DTNA: variants seen among roughly 807,000 people sequenced by gnomAD.
DTNA encodes dystrobrevin alpha.
In DTNA, 43 loss-of-function variants were observed where a neutral mutation model predicts 100.7. The observed-to-expected ratio is 0.43, with a 90% CI of 0.33 to 0.55. The LOEUF is 0.55. Ranked by LOEUF, DTNA falls within the 20% of genes least tolerant of loss-of-function variation. DTNA has a pLI of 0.04. For missense variants in DTNA, 798 were observed against 953.9 expected (o/e 0.84, Z 2.15); for synonymous variants, 349 against 347.9 (o/e 1.00, Z -0.04).
At chr18:34,842,362 T>C (rs949216) in intron 13 of DTNA, among the ~76,000 whole-genome samples, 37,905 of 152,112 alleles carry the variant, frequency 0.25, 4,837 homozygotes, top group African/African-American at 0.28. Flanking sequence ...TATTTTATGC[T>C]TTGGGAAAAA....
At chr18:34,712,528 T>C (rs1568286710) in intron 1 of DTNA, among the ~76,000 whole-genome samples, 1 of 152,158 alleles carries the variant, frequency 6.6e-6, no homozygotes, top group Non-Finnish European at 1.5e-5. Context: ...CATCTGACAT[T>C]AGACCATATG....
At chr18:34,715,259 G>A (rs1169491565) in intron 1 of DTNA, among the ~76,000 whole-genome samples, 1 of 152,046 alleles carries the variant, frequency 6.6e-6, no homozygotes, top group Admixed American at 6.6e-5. Flanking sequence ...TGTACAATGT[G>A]TGGGTCAGTA....
At chr18:34,680,541 T>C (rs750388898) in intron 1 of DTNA, among the ~76,000 whole-genome samples, 1 of 152,228 alleles carries the variant, frequency 6.6e-6, no homozygotes, top group Non-Finnish European at 1.5e-5. Flanking sequence ...CATTGGCCAC[T>C]GTCTAAATCT....
intron 4 of DTNA, 55 bp downstream of exon 4, chr18:34,794,305 TCTTA>T (rs2094875842): frequency 1.2e-6 from 2 of 1,600,302 alleles, no homozygotes; most frequent in Non-Finnish European, 1.7e-6. Context: ...TCACTTCCTG[TCTTA>T]CTTGGTCTTT....
intron 16 of DTNA, among the ~76,000 whole-genome samples, chr18:34,859,631 G>C (rs2096593970): frequency 6.6e-6 from 1 of 152,132 alleles, no homozygotes; most frequent in Non-Finnish European, 1.5e-5. Flanking sequence ...GAGTAGCCTC[G>C]GATCCTTTTG....
At chr18:34,740,312 A>G (rs1194604741) in intron 1 of DTNA, among the ~76,000 whole-genome samples, 1 of 152,206 alleles carries the variant, frequency 6.6e-6, no homozygotes, top group Non-Finnish European at 1.5e-5. Flanking sequence ...CAGAACCATC[A>G]GGAAATGGCT....
intron 1 of DTNA, among the ~76,000 whole-genome samples, chr18:34,523,378 C>T (rs2042321751): frequency 6.6e-6 from 1 of 152,094 alleles, no homozygotes; most frequent in African/African-American, 2.4e-5. Flanking sequence ...ACATTTACAC[C>T]TTGAAAATCT....
chr18:34,775,659 A>G (rs2094008694), intron 3 of DTNA, among the ~76,000 whole-genome samples: 1 of 152,238 alleles, frequency 6.6e-6, no homozygotes, highest in Non-Finnish European at 1.5e-5. Flanking sequence ...GCTGGCTGAC[A>G]GCCAGCAAGG....
intron 1 of DTNA, among the ~76,000 whole-genome samples, chr18:34,603,940 C>T (rs1225849125): frequency 6.6e-6 from 1 of 152,084 alleles, no homozygotes; most frequent in Non-Finnish European, 1.5e-5. Flanking sequence ...CAAAAAAAAG[C>T]TCTACGCTCT....
chr18:34,768,115 G>A (rs2093583088), intron 3 of DTNA, among the ~76,000 whole-genome samples: 1 of 152,112 alleles, frequency 6.6e-6, no homozygotes, highest in Non-Finnish European at 1.5e-5. Flanking sequence ...GCAATTAAAA[G>A]GGATATGATT....
chr18:34,695,573 G>C (rs2080413030), intron 1 of DTNA, among the ~76,000 whole-genome samples: 1 of 152,078 alleles, frequency 6.6e-6, no homozygotes, highest in South Asian at 2.1e-4. Flanking sequence ...GTTTCAGCTG[G>C]GTCACCCAAG....
Position 34,829,440 on chromosome 18 carries a change from G to A in DTNA, c.1126G>A (p.Glu376Lys). ...GISASSPVAE[E>K]HSLIKLYVNQ... ...AAGTGCATCCAGCCCTGTGGCTGAA[G>A]AGCATTCCCTCATAAAGCTGTACGT... The change falls in exon 11 of 23, where the codon GAG (glutamate) becomes AAG (lysine). Residue 376 changes from glutamate to lysine, a missense_variant. By Grantham distance (56) the Glu-to-Lys change is moderately conservative. Coordinates refer to ENST00000444659, the MANE Select transcript of DTNA (RefSeq NM_001386795.1). The A allele has an allele frequency of 6.5e-7, 1 of 1,534,630 alleles. No homozygotes were observed.
intron 1 of DTNA, among the ~76,000 whole-genome samples, chr18:34,573,200 T>C (rs1397271219): frequency 1.3e-5 from 2 of 152,206 alleles, no homozygotes; most frequent in Non-Finnish European, 2.9e-5. Flanking sequence ...TTCCTCTGTG[T>C]TTAAAAGTCT....
chr18:34,495,338 A>C (rs538312617), intron 1 of DTNA, among the ~76,000 whole-genome samples: 1 of 152,368 alleles, frequency 6.6e-6, no homozygotes, highest in African/African-American at 2.4e-5. Context: ...ACAGTAATTA[A>C]AGTTGCATGT....
chr18:34,654,606 C>T (rs1002287570), intron 1 of DTNA, among the ~76,000 whole-genome samples: 1 of 152,190 alleles, frequency 6.6e-6, no homozygotes, highest in African/African-American at 2.4e-5. Context: ...AAACATACCT[C>T]ATATGGGTAC....
intron 1 of DTNA, among the ~76,000 whole-genome samples, chr18:34,605,868 G>A (rs184504845): frequency 3.3e-4 from 50 of 152,210 alleles, no homozygotes; most frequent in African/African-American, 1.2e-3. Context: ...ATTTAGCATT[G>A]CCTTCACATG....
intron 13 of DTNA, among the ~76,000 whole-genome samples, chr18:34,840,701 A>T (rs1211587831): frequency 6.6e-6 from 1 of 152,108 alleles, no homozygotes; most frequent in East Asian, 1.9e-4. Flanking sequence ...GCTAAATGTG[A>T]TTTGTATTTT....
intron 1 of DTNA, among the ~76,000 whole-genome samples, chr18:34,688,522 G>A (rs577274146): frequency 6.6e-6 from 1 of 152,276 alleles, no homozygotes; most frequent in African/African-American, 2.4e-5. Flanking sequence ...CTGTTAGTCT[G>A]ATGGGCTTCC....
intron 3 of DTNA, among the ~76,000 whole-genome samples, chr18:34,772,893 T>G (rs1364838759): frequency 6.6e-6 from 1 of 152,212 alleles, no homozygotes; most frequent in Non-Finnish European, 1.5e-5. Context: ...CTCTTCTAAG[T>G]GCATTCATTG....
Sources: allele counts gnomAD v4.1 joint callset (sites outside exome capture counted in the v4.1 genomes callset), GRCh38; gene constraint gnomAD v4.1.1; transcripts MANE v1.5; gene names NCBI Gene and HGNC (gene_info 2026-07-23, HGNC 2026-07-21).